The following OR1J2 variants were observed in gnomAD, a reference collection of about 807,000 sequenced individuals.
The protein encoded by OR1J2 is olfactory receptor 1J2.
For synonymous variants in OR1J2, 142 were observed against 99.7 expected (o/e 1.42, Z -2.52); for missense variants, 304 against 246.1 (o/e 1.24, Z -1.57).
chr9:122,551,118 T>A, the OR1J2 span, among the ~76,000 whole-genome samples: 9 of 152,234 alleles, frequency 5.9e-5, no homozygotes, highest in South Asian at 1.4e-3. Flanking sequence ...CTAATAACAA[T>A]CAAGCTGAGA....
At chr9:122,474,409 A>G in the OR1J2 span, among the ~76,000 whole-genome samples, 1 of 152,144 alleles carries the variant, frequency 6.6e-6, no homozygotes, top group South Asian at 2.1e-4. Flanking sequence ...GCTGTTTATC[A>G]CTTCCGCCTG....
At chr9:122,531,454 G>A in the OR1J2 span, among the ~76,000 whole-genome samples, 4 of 152,276 alleles carry the variant, frequency 2.6e-5, no homozygotes, top group Non-Finnish European at 2.9e-5. Context: ...AGTAGGGATG[G>A]CAGGTTTTTT....
the OR1J2 span, among the ~76,000 whole-genome samples, chr9:122,516,801 T>C: frequency 4.6e-5 from 7 of 152,310 alleles, no homozygotes; most frequent in Non-Finnish European, 7.4e-5. Flanking sequence ...TAGTGAGATA[T>C]CTGAGCCATC....
At chr9:122,527,281 A>T in the OR1J2 span, 2 of 1,606,646 alleles carry the variant, frequency 1.2e-6, no homozygotes, top group African/African-American at 1.3e-5. Flanking sequence ...GAAATGCTGG[A>T]TTGGTTTTCC....
At chr9:122,577,243 C>T in the OR1J2 span, among the ~76,000 whole-genome samples, 21 of 152,176 alleles carry the variant, frequency 1.4e-4, no homozygotes, top group East Asian at 3.9e-4. Context: ...TTTAGTCTTT[C>T]GGTATAAGCC....
At chr9:122,456,122 A>C in the OR1J2 span, among the ~76,000 whole-genome samples, 1 of 152,204 alleles carries the variant, frequency 6.6e-6, no homozygotes, top group East Asian at 1.9e-4. Context: ...TGAAGTCAGG[A>C]AGTATAAATC....
At chr9:122,550,911 C>A in the OR1J2 span, among the ~76,000 whole-genome samples, 1 of 150,636 alleles carries the variant, frequency 6.6e-6, no homozygotes, top group Admixed American at 6.6e-5. Context: ...AGTCCTTAAC[C>A]AGAACAATCA....
the OR1J2 span, among the ~76,000 whole-genome samples, chr9:122,469,273 C>A: frequency 3.9e-5 from 6 of 152,154 alleles, no homozygotes; most frequent in African/African-American, 1.4e-4. Context: ...GGGAGGGACC[C>A]AGTGGTAGAT....
chr9:122,526,550 C>G, the OR1J2 span: 1 of 1,611,754 alleles, frequency 6.2e-7, no homozygotes, highest in African/African-American at 1.3e-5. Flanking sequence ...TCCCATAGAA[C>G]ACACAAACAA....
At chr9:122,449,916 C>T in the OR1J2 span, among the ~76,000 whole-genome samples, 1 of 152,084 alleles carries the variant, frequency 6.6e-6, no homozygotes, top group African/African-American at 2.4e-5. Context: ...GATTATACTC[C>T]ATCTGTTAAT....
the OR1J2 span, among the ~76,000 whole-genome samples, chr9:122,572,375 T>A: frequency 1.1e-4 from 16 of 152,300 alleles, no homozygotes; most frequent in African/African-American, 3.6e-4. Flanking sequence ...GCCTTGGGAA[T>A]ACAGAATTTA....
chr9:122,532,014 GCA>G, the OR1J2 span, among the ~76,000 whole-genome samples: 26,394 of 149,848 alleles, frequency 0.18, 4,161 homozygotes, highest in East Asian at 0.34. Flanking sequence ...TGTAGGGAAG[GCA>G]GGGGGCCTGA....
chr9:122,488,894 G>A, the OR1J2 span, among the ~76,000 whole-genome samples: 1 of 152,052 alleles, frequency 6.6e-6, no homozygotes, highest in South Asian at 2.1e-4. Flanking sequence ...TGGGGTACAT[G>A]TGCAGAATGT....
the OR1J2 span, among the ~76,000 whole-genome samples, chr9:122,557,367 G>T: frequency 2.6e-5 from 4 of 152,100 alleles, no homozygotes; most frequent in South Asian, 4.1e-4. Context: ...TTTTAAAATA[G>T]ATATCCTTTA....
the OR1J2 span, among the ~76,000 whole-genome samples, chr9:122,578,839 A>C: frequency 1.3e-5 from 2 of 152,140 alleles, no homozygotes; most frequent in Non-Finnish European, 2.9e-5. Context: ...AAAAGACTAC[A>C]CACTGGGTAC....
At chr9:122,486,421 T>C in the OR1J2 span, among the ~76,000 whole-genome samples, 1 of 152,218 alleles carries the variant, frequency 6.6e-6, no homozygotes, top group African/African-American at 2.4e-5. Context: ...AAAGCCCTTA[T>C]TAAATATATC....
the OR1J2 span, among the ~76,000 whole-genome samples, chr9:122,549,850 T>C: frequency 6.6e-6 from 1 of 152,178 alleles, no homozygotes; most frequent in Non-Finnish European, 1.5e-5. Context: ...TTGTGATCTT[T>C]TTTGGTTCCA....
At chr9:122,571,383 C>G in the OR1J2 span, among the ~76,000 whole-genome samples, 1 of 151,880 alleles carries the variant, frequency 6.6e-6, no homozygotes, top group Non-Finnish European at 1.5e-5. Context: ...AATCCTGTCT[C>G]TACTAAAAAT....
At chr9:122,467,812 A>G in the OR1J2 span, among the ~76,000 whole-genome samples, 3 of 152,352 alleles carry the variant, frequency 2.0e-5, no homozygotes, top group Non-Finnish European at 2.9e-5. Context: ...GTTATAAACC[A>G]TAGTATTATT....
Sources: gnomAD v4.1 joint callset for allele counts (sites outside exome capture counted in the v4.1 genomes callset) on GRCh38, gnomAD v4.1.1 for gene constraint, MANE v1.5 for transcripts, NCBI Gene and HGNC (gene_info 2026-07-23, HGNC 2026-07-21) for gene names.